SFXN1: variants seen among roughly 807,000 people sequenced by gnomAD.
SFXN1 encodes the protein sideroflexin 1.
In SFXN1, 32 loss-of-function variants were observed where a neutral mutation model predicts 39.5. The observed-to-expected ratio is 0.81, with a 90% confidence interval of 0.61 to 1.09. SFXN1 has a LOEUF of 1.09. Among genes scored for constraint, SFXN1 ranks in the 50% least tolerant of loss-of-function variants. SFXN1 has a pLI of 0.00. For synonymous variants in SFXN1, 136 were observed against 146.5 expected (o/e 0.93, Z 0.52); for missense variants, 402 against 407.1 (o/e 0.99, Z 0.11).
chr5:175,492,355 C>CA, intron 2 of SFXN1, 88 bp downstream of exon 2: 1 of 1,103,644 alleles, frequency 9.1e-7, no homozygotes, highest in South Asian at 2.4e-5. Context: ...AGTGATTTTA[C>CA]AACTTTTTTT....
intron 1 of SFXN1, among the ~76,000 whole-genome samples, chr5:175,488,464 G>A (rs1397309715): frequency 7.2e-5 from 11 of 152,056 alleles, no homozygotes. Context: ...CACCACGCCT[G>A]ACTAATTTTG....
At chr5:175,521,820 T>C (rs1760887439) in intron 8 of SFXN1, 99 bp from the exon 9 acceptor site, 1 of 932,880 alleles carries the variant, frequency 1.1e-6, no homozygotes. Context: ...TCTATCTGAA[T>C]CTTGAAATGT....
At chr5:175,513,615 C>T (rs756424540) in intron 7 of SFXN1, 25 bp downstream of exon 7, 4 of 1,611,450 alleles carry the variant, frequency 2.5e-6, no homozygotes, top group Non-Finnish European at 3.4e-6. Flanking sequence ...GTCATTTATT[C>T]CATAAATACA....
chr5:175,515,412 T>G (rs948167168), intron 7 of SFXN1, among the ~76,000 whole-genome samples: 1 of 152,214 alleles, frequency 6.6e-6, no homozygotes, highest in African/African-American at 2.4e-5. Flanking sequence ...TTTGGTTATT[T>G]TAAACACTAT....
intron 10 of SFXN1, among the ~76,000 whole-genome samples, chr5:175,525,222 C>CT (rs1172682665): frequency 1.3e-5 from 2 of 152,170 alleles, no homozygotes; most frequent in African/African-American, 4.8e-5. Context: ...AGATCAGTGG[C>CT]AAAACAGAAA....
At chr5:175,518,985 C>T (rs1273029029) in intron 8 of SFXN1, among the ~76,000 whole-genome samples, 2 of 152,104 alleles carry the variant, frequency 1.3e-5, no homozygotes, top group African/African-American at 2.4e-5. Context: ...GTTTACAAGG[C>T]ACGTATGTGA....
In SFXN1 at chr5:175,508,669, C is replaced by T. The variant is rs1760400569; in HGVS notation, c.165-363C>T. Reference sequence around the variant, plus strand: ...AATTTTTTTTTTTGAGACAGAGTCTCGCTTTGTCACCAGGCTGGAGTGCAA... The same window carrying T: ...AATTTTTTTTTTTGAGACAGAGTCTTGCTTTGTCACCAGGCTGGAGTGCAA... On this transcript the variant is annotated intron_variant, in intron 2 of 10. Coordinates refer to ENST00000321442, the MANE Select transcript of SFXN1 (RefSeq NM_022754.7). Among the ~76,000 whole-genome samples the T allele has an allele frequency of 4.6e-5, 7 of 151,744 alleles. No homozygotes were observed. In the South Asian group the frequency reaches 1.5e-3, roughly 32 times the overall value.
rs553339412 is a variant in SFXN1, at chr5:175,492,550, C to T, written c.164+283C>T. On this transcript the variant is annotated intron_variant, in intron 2 of 10. Coordinates refer to ENST00000321442, the MANE Select transcript of SFXN1 (RefSeq NM_022754.7). ...TCCTGGCAGCTTGCCTTCTGTTCTC[C>T]GATAGCACCACCACCTCCACTACGA... The T allele has an allele frequency of 3.7e-4, 93 of 252,750 alleles. 1 individual carries two copies. The South Asian group carries it at 7.3e-3, about 20-fold the overall frequency. The allele number at this position is 252,750 out of a possible 1,614,324, so 15.7% of individuals were successfully genotyped here. A position where few individuals can be genotyped will look rare whatever the true frequency, so the allele number is the denominator to read the frequency against.
chr5:175,507,981 A>T (rs997524229), intron 2 of SFXN1, among the ~76,000 whole-genome samples: 3 of 151,960 alleles, frequency 2.0e-5, no homozygotes, highest in African/African-American at 7.3e-5. Flanking sequence ...TTTAAAAAAA[A>T]AAAAAAAAAA....
chr5:175,486,319 C>T (rs551913704), intron 1 of SFXN1, among the ~76,000 whole-genome samples: 15 of 152,346 alleles, frequency 9.8e-5, no homozygotes, highest in Admixed American at 7.8e-4. Context: ...TGAGTTCTCC[C>T]GGACTTGTTT....
At chr5:175,495,948 T>C (rs1759844928) in intron 2 of SFXN1, among the ~76,000 whole-genome samples, 1 of 147,354 alleles carries the variant, frequency 6.8e-6, no homozygotes, top group South Asian at 2.3e-4. Context: ...TTGCCCAGGC[T>C]GGAGTGTAGT....
chr5:175,483,349 T>G (rs1759326413), intron 1 of SFXN1, among the ~76,000 whole-genome samples: 1 of 152,222 alleles, frequency 6.6e-6, no homozygotes, highest in African/African-American at 2.4e-5. Flanking sequence ...AGAATTTTTT[T>G]AAGTCCCACT....
chr5:175,508,426 A>G (rs2113327806), intron 2 of SFXN1, among the ~76,000 whole-genome samples: 1 of 151,644 alleles, frequency 6.6e-6, no homozygotes, highest in African/African-American at 2.4e-5. Flanking sequence ...ATAGAGACAG[A>G]GTCTCACCAT....
chr5:175,526,803 A>G lies in SFXN1; in HGVS notation c.*69A>G. The stretch of plus-strand genomic sequence containing the variant: ...TGGTGTAGCCATGCTGGTGAGAAAA[A>G]TCCTGTTCAACCTGGGTTCTCCCAG... On this transcript the variant is annotated 3_prime_UTR_variant, in exon 11 of 11. Coordinates refer to ENST00000321442, the MANE Select transcript of SFXN1 (RefSeq NM_022754.7). 7.5e-7 allele frequency: 1 copy of G among 1,329,466 alleles called. No individual in the cohort carries two copies. Among genetic ancestry groups the G allele is most frequent in the Non-Finnish European group, 1.1e-6 (1 of 925,698 alleles). 82.4% of individuals were successfully genotyped at this position (1,329,466 alleles called of 1,614,324 possible).
At chr5:175,505,711 A>G (rs1109984) in intron 2 of SFXN1, among the ~76,000 whole-genome samples, 48,036 of 152,024 alleles carry the variant, frequency 0.32, 8,797 homozygotes, top group African/African-American at 0.5. Context: ...GCATCAGAAT[A>G]TGTAGATAAG....
At chr5:175,489,406 G>T (rs1052252110) in intron 1 of SFXN1, among the ~76,000 whole-genome samples, 2 of 152,190 alleles carry the variant, frequency 1.3e-5, no homozygotes, top group South Asian at 2.1e-4. Flanking sequence ...TCCCCTGCAC[G>T]CCCTGCAGGT....
At chr5:175,506,711 G>A (rs977796961) in intron 2 of SFXN1, among the ~76,000 whole-genome samples, 8 of 152,052 alleles carry the variant, frequency 5.3e-5, no homozygotes, top group Admixed American at 1.3e-4. Context: ...CTGTTGCCCA[G>A]GCTGGAGTGC....
intron 10 of SFXN1, 24 bp from the exon 11 acceptor site, chr5:175,526,614 C>T (rs768062997): frequency 5.6e-6 from 9 of 1,598,748 alleles, no homozygotes; most frequent in African/African-American, 1.3e-5. Context: ...GTGTAATAAC[C>T]CTGTCATTTC....
intron 2 of SFXN1, among the ~76,000 whole-genome samples, chr5:175,494,589 A>T (rs1338794219): frequency 6.6e-6 from 1 of 152,078 alleles, no homozygotes; most frequent in East Asian, 1.9e-4. Context: ...CTCTACAAAA[A>T]AAAGTACAAA....
Sources: gnomAD v4.1 joint callset for allele counts (sites outside exome capture counted in the v4.1 genomes callset) on GRCh38, gnomAD v4.1.1 for gene constraint, MANE v1.5 for transcripts, NCBI Gene and HGNC (gene_info 2026-07-23, HGNC 2026-07-21) for gene names.